The following CRHR2 variants were observed in gnomAD, a reference collection of about 807,000 sequenced individuals.
CRHR2 encodes corticotropin releasing hormone receptor 2.
CRHR2 carries 53 observed loss-of-function variants against 57.9 expected under a neutral mutation model. The observed-to-expected ratio is 0.92, with a 90% CI of 0.73 to 1.15. The LOEUF (loss-of-function observed/expected upper bound fraction) is 1.15. Among genes scored for constraint, CRHR2 ranks in the 50% most tolerant of loss-of-function variants. CRHR2 has a pLI of 0.00. For synonymous variants in CRHR2, 213 were observed against 220.9 expected (o/e 0.96, Z 0.32); for missense variants, 532 against 542.6 (o/e 0.98, Z 0.19).
At chr7:30,691,749 A>G (rs755315019) in intron 1 of CRHR2, among the ~76,000 whole-genome samples, 5 of 152,204 alleles carry the variant, frequency 3.3e-5, no homozygotes, top group Non-Finnish European at 5.9e-5. Flanking sequence ...ACAGCCAAAG[A>G]TACTCATTCT....
chr7:30,653,706 T>G lies in CRHR2; in HGVS notation c.1096-106A>C, dbSNP rs1783671140. 2.2e-6 allele frequency: 3 copies of G among 1,367,654 alleles called. No homozygotes were observed. In the African/African-American group the frequency reaches 4.4e-5, roughly 20 times the overall value. 84.7% of individuals were successfully genotyped at this position (1,367,654 alleles called of 1,614,324 possible). A position where few individuals can be genotyped will look rare whatever the true frequency, so the allele number is the denominator to read the frequency against. On this transcript the variant is annotated intron_variant, in intron 11 of 11. Coordinates refer to ENST00000471646, the MANE Select transcript of CRHR2 (RefSeq NM_001883.5). This position sits in a 1 kb window ranked among gnomAD's most constrained non-coding sequence, Gnocchi z 5.0. The stretch of plus-strand genomic sequence containing the variant: ...TCTCATGGGTCGACTGCCACCCTCA[T>G]GACAAGGAACTGTCTGCTTCCAAAA...
intron 2 of CRHR2, among the ~76,000 whole-genome samples, chr7:30,673,951 C>T (rs1784440162): frequency 6.6e-6 from 1 of 152,194 alleles, no homozygotes; most frequent in Non-Finnish European, 1.5e-5. Flanking sequence ...AAGGCATCCC[C>T]AGGGCCCTTT....
intron 1 of CRHR2, among the ~76,000 whole-genome samples, chr7:30,689,898 G>A (rs2128150751): frequency 6.6e-6 from 1 of 152,312 alleles, no homozygotes; most frequent in East Asian, 1.9e-4. Context: ...GGCTTATTGG[G>A]AGAGGTAGCA....
At chr7:30,664,941 G>A in intron 5 of CRHR2, 129 bp downstream of exon 5, 1 of 720,438 alleles carries the variant, frequency 1.4e-6, no homozygotes, top group Non-Finnish European at 2.5e-6. Context: ...TCAAGAAGAA[G>A]AGGGCTGCTT....
intron 2 of CRHR2, 58 bp downstream of exon 2, chr7:30,681,857 T>C (rs1393997516): frequency 6.4e-7 from 1 of 1,566,970 alleles, no homozygotes; most frequent in Non-Finnish European, 8.6e-7. Flanking sequence ...CTTTACTCCC[T>C]AAACCGCCTT....
At chr7:30,696,925 A>G (rs1476694192) in intron 1 of CRHR2, among the ~76,000 whole-genome samples, 6 of 152,280 alleles carry the variant, frequency 3.9e-5, no homozygotes, top group African/African-American at 1.4e-4. Flanking sequence ...TTAAGTAGCC[A>G]TTGCCCTCAG....
intron 2 of CRHR2, among the ~76,000 whole-genome samples, chr7:30,688,330 A>G (rs1387613650): frequency 6.6e-6 from 1 of 152,148 alleles, no homozygotes; most frequent in African/African-American, 2.4e-5. Flanking sequence ...TCAAGCCCCC[A>G]GTCTGTGGTG....
chr7:30,682,953 G>T (rs1784775906), upstream of CRHR2, among the ~76,000 whole-genome samples: 1 of 152,238 alleles, frequency 6.6e-6, no homozygotes, highest in Non-Finnish European at 1.5e-5. Flanking sequence ...AGGAGGCCTG[G>T]AGGGAAGCAG....
intron 1 of CRHR2, among the ~76,000 whole-genome samples, chr7:30,697,141 T>C (rs1785074618): frequency 2.0e-5 from 3 of 152,142 alleles, no homozygotes; most frequent in African/African-American, 7.2e-5. Flanking sequence ...GACTCGGTCT[T>C]TGGTGTGAGC....
intron 3 of CRHR2, among the ~76,000 whole-genome samples, chr7:30,666,527 T>C (rs1373411773): frequency 6.6e-6 from 1 of 152,210 alleles, no homozygotes; most frequent in Non-Finnish European, 1.5e-5. Flanking sequence ...CCCCTGCCCA[T>C]TGAGTGGCCT....
Position 30,653,267 on chromosome 7 carries a change from G to A in CRHR2, c.*193C>T. On this transcript the variant is annotated 3_prime_UTR_variant, in exon 12 of 12. Transcript: ENST00000471646. The surrounding 1 kb of genome is among the most constrained non-coding windows in gnomAD (Gnocchi z 5.0). Reference sequence around the variant, plus strand: ...AATTCCCTCTGCTTCCTCTTGCGCTGAGCCTGGTGGCCCCCACTCATCCCT... The same window carrying A: ...AATTCCCTCTGCTTCCTCTTGCGCTAAGCCTGGTGGCCCCCACTCATCCCT... 2 of 711,826 alleles carry A rather than the reference G, an allele frequency of 2.8e-6. No homozygotes were observed. The highest frequency in any genetic ancestry group is 4.6e-6 in the Non-Finnish European group (2 of 438,752). 44.1% of individuals were successfully genotyped at this position (711,826 alleles called of 1,614,324 possible).
chr7:30,663,853 C>T (rs372744127), intron 5 of CRHR2, among the ~76,000 whole-genome samples: 10 of 152,318 alleles, frequency 6.6e-5, no homozygotes, highest in Non-Finnish European at 1.3e-4. Context: ...GGGAGCTGTG[C>T]GTCAGGGGCT....
chr7:30,664,671 C>T (rs1784119147), intron 5 of CRHR2, among the ~76,000 whole-genome samples: 1 of 151,972 alleles, frequency 6.6e-6, no homozygotes, highest in South Asian at 2.1e-4. Context: ...GAGGTGAGCT[C>T]AGGTCTGGTT....
At chr7:30,689,376 C>T in intron 1 of CRHR2, 1 of 1,010,152 alleles carries the variant, frequency 9.9e-7, no homozygotes, top group Non-Finnish European at 1.5e-6. Context: ...TCACTCATCC[C>T]TTACTCCTCT....
At chr7:30,697,714 T>G (rs1265662177) in intron 1 of CRHR2, among the ~76,000 whole-genome samples, 3 of 152,116 alleles carry the variant, frequency 2.0e-5, no homozygotes, top group Non-Finnish European at 2.9e-5. Context: ...CCCATACAGC[T>G]CTGCAGTCTC....
intron 8 of CRHR2, among the ~76,000 whole-genome samples, chr7:30,657,514 T>C (rs1002208192): frequency 6.6e-6 from 1 of 152,220 alleles, no homozygotes; most frequent in Non-Finnish European, 1.5e-5. Flanking sequence ...TATAAGTGAA[T>C]CCTAATTTTC....
At chr7:30,697,458 A>G (rs1390424731) in intron 1 of CRHR2, among the ~76,000 whole-genome samples, 4 of 152,114 alleles carry the variant, frequency 2.6e-5, no homozygotes, top group Admixed American at 2.6e-4. Flanking sequence ...TGTTTGAGTA[A>G]GGCGCCTAAC....
At chr7:30,697,884 T>C in intron 1 of CRHR2, 1 of 152,484 alleles carries the variant, frequency 6.6e-6, no homozygotes, top group Non-Finnish European at 1.5e-5. Context: ...ACATGCTTCT[T>C]CTGAGCCCAT....
At chr7:30,655,795 G>T in intron 9 of CRHR2, 80 bp from the exon 10 acceptor site, 1 of 1,590,816 alleles carries the variant, frequency 6.3e-7, no homozygotes, top group Non-Finnish European at 8.6e-7. Flanking sequence ...AGACAGTGGT[G>T]GTGTTTCTTC....
Sources: gnomAD v4.1 joint callset for allele counts (sites outside exome capture counted in the v4.1 genomes callset) on GRCh38, gnomAD v4.1.1 for gene constraint, Gnocchi (gnomAD v3.1) non-coding constraint, MANE v1.5 for transcripts, NCBI Gene and HGNC (gene_info 2026-07-23, HGNC 2026-07-21) for gene names.